Variants in NLK observed in about 807,000 individuals in gnomAD.
NLK encodes nemo like kinase.
In NLK, 11 loss-of-function variants were observed where a neutral mutation model predicts 59.0. That is an observed-to-expected ratio of 0.19 (90% CI 0.12 to 0.31). The LOEUF is 0.31. Among genes scored for constraint, NLK ranks in the 10% least tolerant of loss-of-function variants. The probability of loss-of-function intolerance (pLI) is 1.00; values close to 1 mark genes in which losing one functional copy is unlikely to be tolerated. For synonymous variants in NLK, 235 were observed against 235.9 expected (o/e 1.00, Z 0.03); for missense variants, 410 against 661.1 (o/e 0.62, Z 4.16).
intron 1 of NLK, among the ~76,000 whole-genome samples, chr17:28,111,896 G>GT (rs1394476582): frequency 0.039 from 2,620 of 67,208 alleles, 79 homozygotes; most frequent in Non-Finnish European, 0.041. Context: ...GTGTGTGTGT[G>GT]GTGTGTGTGT....
intron 7 of NLK, among the ~76,000 whole-genome samples, chr17:28,176,597 A>G (rs1315591475): frequency 6.6e-6 from 1 of 152,230 alleles, no homozygotes; most frequent in Non-Finnish European, 1.5e-5. Context: ...CTTTAACTCT[A>G]AAATCTATGT....
chr17:28,185,881 C>T (rs1260891203), intron 8 of NLK, among the ~76,000 whole-genome samples: 1 of 152,074 alleles, frequency 6.6e-6, no homozygotes, highest in Non-Finnish European at 1.5e-5. Context: ...AAAATCTGAC[C>T]ATTATATTGC....
At chr17:28,053,636 T>G (rs1308759513) in intron 1 of NLK, among the ~76,000 whole-genome samples, 1 of 152,198 alleles carries the variant, frequency 6.6e-6, no homozygotes, top group Non-Finnish European at 1.5e-5. Flanking sequence ...TGTTTATCCA[T>G]TCTTTGACCT....
chr17:28,093,815 T>C (rs964327318), intron 1 of NLK, among the ~76,000 whole-genome samples: 4 of 152,220 alleles, frequency 2.6e-5, no homozygotes, highest in Non-Finnish European at 5.9e-5. Flanking sequence ...CACCATATAT[T>C]TCATTTGTTC....
chr17:28,162,070 C>T (rs1244286417), intron 4 of NLK, among the ~76,000 whole-genome samples: 1 of 152,094 alleles, frequency 6.6e-6, no homozygotes, highest in Admixed American at 6.5e-5. Flanking sequence ...GGCTAGAGTG[C>T]AGTGGTGCGA....
chr17:28,168,721 G>A, intron 6 of NLK, 64 bp downstream of exon 6: 2 of 1,285,076 alleles, frequency 1.6e-6, no homozygotes. Flanking sequence ...AATCCATCTT[G>A]CACATGTGTC....
At chr17:28,090,770 T>C (rs1904463731) in intron 1 of NLK, among the ~76,000 whole-genome samples, 2 of 152,230 alleles carry the variant, frequency 1.3e-5, no homozygotes, top group Non-Finnish European at 2.9e-5. Flanking sequence ...TTCCTTTAAG[T>C]ACTTCAAAGA....
intron 1 of NLK, among the ~76,000 whole-genome samples, chr17:28,060,597 A>C (rs1026049373): frequency 1.3e-5 from 2 of 152,170 alleles, no homozygotes; most frequent in Admixed American, 1.3e-4. Context: ...ATCAACAAGA[A>C]ATACACTTGA....
downstream of NLK, among the ~76,000 whole-genome samples, chr17:28,200,515 G>A (rs751200678): frequency 6.6e-6 from 1 of 152,092 alleles, no homozygotes; most frequent in African/African-American, 2.4e-5. Flanking sequence ...AGGGAGTCTC[G>A]TTCTATCACC....
intron 3 of NLK, among the ~76,000 whole-genome samples, chr17:28,147,227 G>A (rs1165039772): frequency 2.0e-5 from 3 of 152,114 alleles, no homozygotes; most frequent in African/African-American, 7.2e-5. Flanking sequence ...CAAAGATGCT[G>A]TTGGCACCAG....
At chr17:28,156,629 G>A (rs1291184113) in intron 3 of NLK, among the ~76,000 whole-genome samples, 9 of 152,130 alleles carry the variant, frequency 5.9e-5, no homozygotes, top group Non-Finnish European at 1.5e-5. Flanking sequence ...AATGATCCAC[G>A]TTGTGTGTTT....
intron 3 of NLK, among the ~76,000 whole-genome samples, chr17:28,143,361 A>C (rs1567726505): frequency 6.7e-6 from 1 of 150,182 alleles, no homozygotes; most frequent in Non-Finnish European, 1.5e-5. Context: ...AACTTTTAAA[A>C]AAGGATTGTA....
At chr17:28,169,908 G>A (rs1280105768) in intron 6 of NLK, among the ~76,000 whole-genome samples, 1 of 151,994 alleles carries the variant, frequency 6.6e-6, no homozygotes, top group Non-Finnish European at 1.5e-5. Context: ...TAACCTTTGT[G>A]AAACTTTTAC....
intron 1 of NLK, among the ~76,000 whole-genome samples, chr17:28,107,531 G>A (rs966530744): frequency 6.6e-6 from 1 of 152,114 alleles, no homozygotes; most frequent in Non-Finnish European, 1.5e-5. Flanking sequence ...GACAGGTATG[G>A]TGCCTACTAA....
chr17:28,185,397 CAT>C, intron 8 of NLK, 132 bp downstream of exon 8: 4 of 573,296 alleles, frequency 7.0e-6, no homozygotes, highest in East Asian at 3.0e-5. Flanking sequence ...TCCCCAGTAT[CAT>C]GTGTATCATG....
chr17:28,146,730 T>C (rs1907271827), intron 3 of NLK, among the ~76,000 whole-genome samples: 1 of 152,218 alleles, frequency 6.6e-6, no homozygotes, highest in African/African-American at 2.4e-5. Flanking sequence ...AATTGTTTTG[T>C]TCTTACCTCT....
intron 1 of NLK, among the ~76,000 whole-genome samples, chr17:28,045,050 A>G (rs1326455090): frequency 6.6e-6 from 1 of 152,192 alleles, no homozygotes; most frequent in Non-Finnish European, 1.5e-5. Flanking sequence ...GTGCTGAAAC[A>G]TCTCACACAG....
the NLK span, among the ~76,000 whole-genome samples, chr17:28,204,922 C>T: frequency 1.3e-5 from 2 of 152,180 alleles, no homozygotes; most frequent in Non-Finnish European, 2.9e-5. Context: ...TGAAGAATTC[C>T]CCTGTGGTCA....
chr17:28,110,480 T>G (rs1597686321), intron 1 of NLK, among the ~76,000 whole-genome samples: 1 of 150,596 alleles, frequency 6.6e-6, no homozygotes, highest in East Asian at 1.9e-4. Context: ...CCTACTTGGG[T>G]TTTTTGGGTT....
Sources: allele counts gnomAD v4.1 joint callset (sites outside exome capture counted in the v4.1 genomes callset), GRCh38; gene constraint gnomAD v4.1.1; transcripts MANE v1.5; gene names NCBI Gene and HGNC (gene_info 2026-07-23, HGNC 2026-07-21).